Variants in CALY observed in about 807,000 individuals in gnomAD.
CALY encodes the protein neuron-specific vesicular protein calcyon.
Under a neutral mutation model 20.2 loss-of-function variants are expected in CALY, and 15 were observed. The ratio of observed to expected loss-of-function variants is 0.74; its 90% CI spans 0.50 to 1.14. The LOEUF is 1.14. Among genes scored for constraint, CALY ranks in the 50% most tolerant of loss-of-function variants. The pLI, the probability that CALY is intolerant of heterozygous loss-of-function variation, is 0.00. For missense variants in CALY, 270 were observed against 304.4 expected (o/e 0.89, Z 0.84); for synonymous variants, 129 against 131.8 (o/e 0.98, Z 0.15).
At position 133,325,108 on chromosome 10, in the gene CALY, G is replaced by T. The variant is rs1364704638; in HGVS notation, c.*487C>A. 6.3e-6 allele frequency: 1 copy of T among 157,518 alleles called. No individual in the cohort carries two copies. The highest frequency in any genetic ancestry group is 1.4e-5 in the Non-Finnish European group (1 of 71,294). 9.8% of individuals were successfully genotyped at this position (157,518 alleles called of 1,614,324 possible). A position where few individuals can be genotyped will look rare whatever the true frequency, so the allele number is the denominator to read the frequency against. Reference sequence around the variant, plus strand: ...CCAGCACCAGGTAGATGGGGGCGGGGGGTCGGGGAACCAGCAGGACAAGGG... The same window carrying T: ...CCAGCACCAGGTAGATGGGGGCGGGTGGTCGGGGAACCAGCAGGACAAGGG... On this transcript the variant is annotated 3_prime_UTR_variant, in exon 6 of 6. Transcript: ENST00000252939.
intron 3 of CALY, 95 bp downstream of exon 3, chr10:133,327,810 C>G (rs954091684): frequency 1.2e-6 from 1 of 824,282 alleles, no homozygotes; most frequent in African/African-American, 1.7e-5. Flanking sequence ...AAGGGGACCC[C>G]AGACTGGCCT....
chr10:133,326,957 G>A lies in CALY; in HGVS notation c.281C>T (p.Ala94Val), dbSNP rs765913183. The change falls in exon 4 of 6, where the codon GCG (alanine) becomes GTG (valine). Residue 94 changes from alanine to valine, a missense_variant. Physicochemically the swap from Ala to Val is moderately conservative, Grantham distance 64 (BLOSUM62 0). Transcript: ENST00000252939. The stretch of plus-strand genomic sequence containing the variant: ...CATGATCAGCACGCAGCCCAGTAGC[G>A]CCATGGCGAAGGCGATCATCCGTGC... ...PTARMIAFAM[A>V]LLGCVLIMYK... 1.1e-5 allele frequency: 17 copies of A among 1,610,444 alleles called. No homozygotes were observed. The highest frequency in any genetic ancestry group is 5.5e-5 in the South Asian group (5 of 90,112).
rs1848167386 is a variant in CALY, at chr10:133,324,270, C to A, written c.*1325G>T. 1 of 449,470 alleles carries A rather than the reference C, an allele frequency of 2.2e-6. No individual in the cohort carries two copies. Among genetic ancestry groups the A allele is most frequent in the African/African-American group, 2.0e-5 (1 of 50,050 alleles). The allele number at this position is 449,470 out of a possible 1,614,324, so 27.8% of individuals were successfully genotyped here. On this transcript the variant is annotated 3_prime_UTR_variant, in exon 6 of 6. Transcript: ENST00000252939. ...GAAGGGTGTGGTGTGCATGGCCCTG[C>A]CTTCCCTGACCCCACCTGGCTGGCT...
chr10:133,326,665 T>C (rs1350610068), intron 4 of CALY, among the ~76,000 whole-genome samples: 2 of 152,168 alleles, frequency 1.3e-5, no homozygotes, highest in African/African-American at 2.4e-5. Flanking sequence ...TTTTTACTTA[T>C]TTTTTAAATT....
intron 1 of CALY, among the ~76,000 whole-genome samples, chr10:133,335,028 G>T (rs1293129479): frequency 6.6e-6 from 1 of 152,212 alleles, no homozygotes; most frequent in African/African-American, 2.4e-5. Context: ...TGTGTGTGCA[G>T]GCGGAGACGG....
rs1287904613 is a variant in CALY at position 133,326,930 on chromosome 10, T to C, written c.308A>G (p.Tyr103Cys). The C allele has an allele frequency of 1.2e-6, 2 of 1,611,404 alleles. No individual in the cohort carries two copies. Among genetic ancestry groups the C allele is most frequent in the Non-Finnish European group, 1.7e-6 (2 of 1,179,544 alleles). The change falls in exon 4 of 6, where the codon TAC becomes TGC. Residue 103 changes from tyrosine to cysteine, a missense_variant. Tyr to Cys is a radical substitution (Grantham distance 194). Transcript: ENST00000252939. ...MALLGCVLIM[Y>C]KAIWYDQFTC... ...GAACTGGTCGTACCAGATGGCCTTG[T>C]ACATGATCAGCACGCAGCCCAGTAG...
chr10:133,328,533 A>G (rs936613126), intron 2 of CALY, among the ~76,000 whole-genome samples: 3 of 152,202 alleles, frequency 2.0e-5, no homozygotes, highest in Non-Finnish European at 4.4e-5. Context: ...AACCCAGGAC[A>G]GGGCCATGCC....
intron 1 of CALY, 147 bp from the exon 2 acceptor site, chr10:133,329,156 C>G (rs909942089): frequency 2.0e-5 from 13 of 663,014 alleles, no homozygotes; most frequent in Non-Finnish European, 3.2e-5. Context: ...GGCCAGCCTC[C>G]TTGGACAAAC....
Position 133,326,963 on chromosome 10 carries a change from G to T in CALY, c.275C>A (p.Ala92Asp). Residue 92 changes from alanine (A) to aspartate (D), a missense_variant, in exon 4 of 6, where the codon GCC becomes GAC. Transcript: ENST00000252939. ...RLPTARMIAF[A>D]MALLGCVLIM... ...CAGCACGCAGCCCAGTAGCGCCATG[G>T]CGAAGGCGATCATCCGTGCGGTGGG... 1 of 1,610,236 alleles carries T rather than the reference G, an allele frequency of 6.2e-7. No individual in the cohort carries two copies. The highest frequency in any genetic ancestry group is 8.5e-7 in the Non-Finnish European group (1 of 1,179,144).
At chr10:133,329,392 C>CTTCTTCTTCTT (rs549430070) in intron 1 of CALY, among the ~76,000 whole-genome samples, 2 of 137,446 alleles carry the variant, frequency 1.5e-5, no homozygotes, top group African/African-American at 5.8e-5. Flanking sequence ...TCTTCTTCTT[C>CTTCTTCTTCTT]TTTTTTTTTT....
chr10:133,325,794 C>A lies in CALY; in HGVS notation c.*28+5G>T, dbSNP rs1035638649. On this transcript the variant is annotated splice_donor_5th_base_variant and intron_variant, in intron 5 of 5. Transcript: ENST00000252939. ...GCCGGCCGGAGCCCCGCGGCGCGCA[C>A]CTACCCCGGGCCGGGCTGCGGGGCT... The A allele has an allele frequency of 2.6e-6, 3 of 1,164,448 alleles. No homozygotes were observed. The East Asian group carries it at 1.1e-4, about 41-fold the overall frequency. 72.1% of individuals were successfully genotyped at this position (1,164,448 alleles called of 1,614,324 possible). A position where few individuals can be genotyped will look rare whatever the true frequency, so the allele number is the denominator to read the frequency against.
chr10:133,328,022 A>C lies in CALY; in HGVS notation c.136-7T>G. ...TCTGTGTCTTGATGACCACCTGTGA[A>C]AAGAGATGGCCATGGCCTCAGTAGG... On this transcript the variant is annotated splice_region_variant and splice_polypyrimidine_tract_variant and intron_variant, in intron 2 of 5. Transcript: ENST00000252939. 2 of 1,573,964 alleles carry C rather than the reference A, an allele frequency of 1.3e-6. No individual in the cohort carries two copies. Among genetic ancestry groups the C allele is most frequent in the Non-Finnish European group, 1.7e-6 (2 of 1,147,532 alleles).
rs1271666314 is a variant in CALY, at chr10:133,328,842, C to T, written c.135+13G>A. The T allele has an allele frequency of 1.3e-6, 2 of 1,542,570 alleles. No individual in the cohort carries two copies. Among genetic ancestry groups the T allele is most frequent in the African/African-American group, 2.7e-5 (2 of 73,144 alleles). ...AGCCTGAGAAGGGCCCCCACGCTGG[C>T]CCAGGCCCTCACCTGGTCAGGGAGT... On this transcript the variant is annotated intron_variant, in intron 2 of 5. Transcript: ENST00000252939.
intron 5 of CALY, 52 bp downstream of exon 5, chr10:133,325,747 G>A: frequency 1.2e-6 from 1 of 823,524 alleles, no homozygotes; most frequent in Non-Finnish European, 1.6e-6. Flanking sequence ...GTGGCGGGAG[G>A]CCAGGAAGAG....
At position 133,326,982 on chromosome 10, in the gene CALY, C is replaced by T. The variant is rs149330191; in HGVS notation, c.256G>A (p.Ala86Thr). ...HPEEGRRLPT[A>T]RMIAFAMALL... ...GCCATGGCGAAGGCGATCATCCGTG[C>T]GGTGGGCAGCTGGCAGGAGGGCAGA... Residue 86 changes from alanine to threonine, a missense_variant, in exon 4 of 6, where the codon GCA (alanine) becomes ACA (threonine). Coordinates refer to ENST00000252939, the MANE Select transcript of CALY (RefSeq NM_015722.4). 149 of 1,606,440 alleles carry T rather than the reference C, an allele frequency of 9.3e-5. No homozygotes were observed. Among genetic ancestry groups the T allele is most frequent in the Non-Finnish European group, 1.2e-4 (142 of 1,177,520 alleles).
At chr10:133,326,428 G>A in intron 4 of CALY, 1 of 610,886 alleles carries the variant, frequency 1.6e-6, no homozygotes, top group South Asian at 2.2e-5. Context: ...AGGAGAAAAG[G>A]AGCAGATTTT....
intron 1 of CALY, among the ~76,000 whole-genome samples, chr10:133,331,842 T>C (rs1848314966): frequency 6.6e-6 from 1 of 152,112 alleles, no homozygotes; most frequent in Non-Finnish European, 1.5e-5. Context: ...GAAAAGAACA[T>C]GGATTGCCAG....
intron 1 of CALY, among the ~76,000 whole-genome samples, chr10:133,329,882 A>G (rs1309105811): frequency 6.6e-6 from 1 of 152,230 alleles, no homozygotes; most frequent in Non-Finnish European, 1.5e-5. Context: ...GCTCTCTGCC[A>G]GAGACGCACG....
chr10:133,325,719 G>A (rs1045209558), intron 5 of CALY, 80 bp downstream of exon 5: 5 of 604,102 alleles, frequency 8.3e-6, no homozygotes, highest in African/African-American at 5.8e-5. Context: ...GGTGGCGGGG[G>A]TCTTTGGCTC....
Sources: allele counts gnomAD v4.1 joint callset (sites outside exome capture counted in the v4.1 genomes callset), GRCh38; gene constraint gnomAD v4.1.1; transcripts MANE v1.5; gene names NCBI Gene and HGNC (gene_info 2026-07-23, HGNC 2026-07-21).